The following TTC27 variants were observed in gnomAD, a reference collection of about 807,000 sequenced individuals.
The protein encoded by TTC27 is tetratricopeptide repeat protein 27.
In TTC27, 79 loss-of-function variants were observed where a neutral mutation model predicts 115.9. That is an observed-to-expected ratio of 0.68 (90% CI 0.57 to 0.82). TTC27 has a LOEUF of 0.82. Among genes scored for constraint, TTC27 ranks in the 40% least tolerant of loss-of-function variants. The pLI, the probability that TTC27 is intolerant of heterozygous loss-of-function variation, is 0.00. For synonymous variants in TTC27, 401 were observed against 356.0 expected (o/e 1.13, Z -1.42); for missense variants, 1,054 against 993.1 (o/e 1.06, Z -0.82).
intron 9 of TTC27, among the ~76,000 whole-genome samples, chr2:32,701,390 C>T (rs1358932027): frequency 1.3e-5 from 2 of 152,154 alleles, no homozygotes; most frequent in Non-Finnish European, 2.9e-5. Context: ...TTTAAATGAG[C>T]ACAAGTTTAT....
intron 9 of TTC27, among the ~76,000 whole-genome samples, chr2:32,702,443 G>C (rs992938075): frequency 6.6e-6 from 1 of 152,028 alleles, no homozygotes; most frequent in Non-Finnish European, 1.5e-5. Flanking sequence ...TGATCATATT[G>C]GATGATTTCT....
At position 32,754,941 on chromosome 2, in the gene TTC27, C is replaced by CG. The variant is rs1276518725; in HGVS notation, c.1453-3347dup. On this transcript the variant is annotated intron_variant, in intron 12 of 19. Transcript: ENST00000317907. ...GCGGGGATGCTCCTCACTTCCCAGA[C>CG]GGGGCGGCTGCTGGGTGGAGGGGCT... is the stretch of plus-strand genomic sequence containing the variant. Among the ~76,000 whole-genome samples, 6 of 150,800 alleles carry CG rather than the reference C, an allele frequency of 4.0e-5. No homozygotes were observed. In the East Asian group the frequency reaches 1.2e-3, roughly 30 times the overall value.
chr2:32,769,391 G>T (rs943642312), intron 13 of TTC27, among the ~76,000 whole-genome samples: 5 of 152,198 alleles, frequency 3.3e-5, no homozygotes, highest in African/African-American at 9.6e-5. Flanking sequence ...GAGAGTAAAG[G>T]GTGAGTGATA....
At chr2:32,666,491 C>T in intron 6 of TTC27, 144 bp from the exon 7 acceptor site, 1 of 761,160 alleles carries the variant, frequency 1.3e-6, no homozygotes, top group East Asian at 3.3e-5. Flanking sequence ...TCATTTAAAA[C>T]CTGAGGCTGG....
chr2:32,678,088 T>A (rs1376235968), intron 8 of TTC27, among the ~76,000 whole-genome samples: 1 of 152,086 alleles, frequency 6.6e-6, no homozygotes, highest in African/African-American at 2.4e-5. Flanking sequence ...AAACTCCATT[T>A]CTACAAAAAT....
rs1182413000 is a variant in TTC27 at position 32,678,878 on chromosome 2, C to T, written c.1075C>T (p.Pro359Ser). Residue 359 changes from proline (P) to serine (S), a missense_variant, in exon 9 of 20, where the codon CCA becomes TCA. Transcript: ENST00000317907. ...GICTNFQKNN[P>S]VHTLTEVELL... ...AAGCACTAATTTTCAAAAGAATAAC[C>T]CAGTGCACACATTAACTGAAGTGGA... is the stretch of plus-strand genomic sequence containing the variant. 2.5e-6 allele frequency: 4 copies of T among 1,612,732 alleles called. No individual in the cohort carries two copies. The highest frequency in any genetic ancestry group is 2.2e-5 in the East Asian group (1 of 44,812).
intron 5 of TTC27, among the ~76,000 whole-genome samples, chr2:32,663,565 T>C (rs1329605262): frequency 6.6e-6 from 1 of 152,188 alleles, no homozygotes; most frequent in Non-Finnish European, 1.5e-5. Context: ...TCACCTGCCT[T>C]CTGCCTTGAT....
chr2:32,644,872 C>CTTTTTTTTTTTTTTTTTTTTTTTTCTGTT (rs35904079), intron 4 of TTC27, among the ~76,000 whole-genome samples: 1 of 83,332 alleles, frequency 1.2e-5, no homozygotes, highest in Non-Finnish European at 2.3e-5. Context: ...TTCCTTTCTG[C>CTTTTTTTTTTTTTTTTTTTTTTTTCTGTT]TTTTTTTTTT....
Position 32,664,369 on chromosome 2 carries a change from A to C in TTC27, c.707A>C (p.Glu236Ala). Residue 236 changes from glutamate (E) to alanine (A), a missense_variant, in exon 6 of 20, where the codon GAA becomes GCA. Physicochemically the swap from Glu to Ala is moderately radical, Grantham distance 107 (BLOSUM62 -1). Coordinates refer to ENST00000317907, the MANE Select transcript of TTC27 (RefSeq NM_017735.5). ...GRYLAIQFHL[E>A]CAYVFLYYYE... is the part of the protein sequence containing the mutation. ...TATTTGGCTATTCAATTCCATCTGG[A>C]ATGTGCATATGTGTTTTTATATTAT... The C allele has an allele frequency of 6.2e-7, 1 of 1,612,168 alleles. No individual in the cohort carries two copies. Among genetic ancestry groups the C allele is most frequent in the Non-Finnish European group, 8.5e-7 (1 of 1,179,096 alleles).
intron 12 of TTC27, among the ~76,000 whole-genome samples, chr2:32,743,060 A>G (rs1209085780): frequency 1.3e-5 from 2 of 152,074 alleles, no homozygotes; most frequent in African/African-American, 4.8e-5. Context: ...GATACTCTTC[A>G]TAGTTGGTGC....
intron 18 of TTC27, among the ~76,000 whole-genome samples, chr2:32,816,398 G>T (rs181917816): frequency 6.6e-6 from 1 of 152,036 alleles, no homozygotes; most frequent in Admixed American, 6.6e-5. Flanking sequence ...GCTGTTTAGT[G>T]TCATTTTAAA....
At chr2:32,739,085 G>T (rs560537851) in intron 12 of TTC27, among the ~76,000 whole-genome samples, 39 of 152,202 alleles carry the variant, frequency 2.6e-4, no homozygotes, top group Middle Eastern at 6.8e-3. Flanking sequence ...TTTCTTCAGC[G>T]ACTTAAATAT....
intron 10 of TTC27, among the ~76,000 whole-genome samples, chr2:32,728,279 G>C (rs1668177886): frequency 6.6e-6 from 1 of 152,042 alleles, no homozygotes; most frequent in South Asian, 2.1e-4. Context: ...CTGATCTTGT[G>C]ATCCGCCGGC....
intron 10 of TTC27, among the ~76,000 whole-genome samples, chr2:32,707,458 A>G (rs968012061): frequency 9.2e-5 from 14 of 152,200 alleles, no homozygotes; most frequent in African/African-American, 3.1e-4. Flanking sequence ...TTGCCAACAC[A>G]TGAGCTTTTA....
chr2:32,813,763 A>G (rs1042977585), intron 18 of TTC27, among the ~76,000 whole-genome samples: 2 of 152,216 alleles, frequency 1.3e-5, no homozygotes, highest in African/African-American at 4.8e-5. Flanking sequence ...TGATAATTCT[A>G]CTTTTGACCT....
intron 16 of TTC27, among the ~76,000 whole-genome samples, chr2:32,788,752 T>C (rs1670430961): frequency 6.6e-6 from 1 of 152,166 alleles, no homozygotes; most frequent in Non-Finnish European, 1.5e-5. Flanking sequence ...TTGGCACCAA[T>C]AGAAGTTGTT....
At chr2:32,814,629 C>T (rs989369253) in intron 18 of TTC27, among the ~76,000 whole-genome samples, 1 of 152,210 alleles carries the variant, frequency 6.6e-6, no homozygotes. Context: ...ACATATATGA[C>T]AGTGGCCCCA....
intron 10 of TTC27, among the ~76,000 whole-genome samples, chr2:32,715,188 G>T (rs1410083608): frequency 6.6e-6 from 1 of 152,072 alleles, no homozygotes; most frequent in Non-Finnish European, 1.5e-5. Context: ...TTATCTTCCA[G>T]GGATTTTATA....
chr2:32,678,802 A>G (rs533882662), intron 8 of TTC27, 54 bp from the exon 9 acceptor site: 15 of 1,322,608 alleles, frequency 1.1e-5, no homozygotes, highest in South Asian at 1.0e-4. Context: ...ATTATATTTC[A>G]TTAGCTACAA....
Sources: gnomAD v4.1 joint callset for allele counts (sites outside exome capture counted in the v4.1 genomes callset) on GRCh38, gnomAD v4.1.1 for gene constraint, MANE v1.5 for transcripts, NCBI Gene and HGNC (gene_info 2026-07-23, HGNC 2026-07-21) for gene names.